CRPPA: variants seen among roughly 807,000 people sequenced by gnomAD.
CRPPA encodes the protein CDP-L-ribitol pyrophosphorylase A, also known as D-ribitol-5-phosphate cytidylyltransferase.
CRPPA carries 43 observed loss-of-function variants against 52.0 expected under a neutral mutation model. That is an observed-to-expected ratio of 0.83 (90% CI 0.65 to 1.07). The LOEUF is 1.07. CRPPA is among the 50% of genes least tolerant of loss of function. CRPPA has a pLI of 0.00. For synonymous variants in CRPPA, 250 were observed against 203.5 expected, an observed-to-expected ratio of 1.23 and a Z score of -1.94; for missense variants, 629 against 551.7, an observed-to-expected ratio of 1.14 and a Z score of -1.40.
chr7:16,386,942 C>A (rs1355256414), intron 2 of CRPPA, among the ~76,000 whole-genome samples: 1 of 151,296 alleles, frequency 6.6e-6, no homozygotes, highest in Non-Finnish European at 1.5e-5. Context: ...ATCACTTGAA[C>A]CCAGGAAGCA....
rs187689552 is a variant in CRPPA, at chr7:16,152,270, T to C, written c.1252-60471A>G. 3.3e-5 allele frequency among the ~76,000 whole-genome samples: 5 copies of C among 152,058 alleles called. No individual in the cohort carries two copies. The East Asian group carries it at 9.7e-4, about 29-fold the overall frequency. On this transcript the variant is annotated intron_variant, in intron 9 of 9. Coordinates refer to ENST00000407010, the MANE Select transcript of CRPPA (RefSeq NM_001101426.4). ...AATTAACAAATATGTGAGATGTTAA[T>C]TTGATGTACATTAAATGTGTACAGA...
chr7:16,388,820 G>A (rs762722387), intron 2 of CRPPA, among the ~76,000 whole-genome samples: 1 of 152,150 alleles, frequency 6.6e-6, no homozygotes, highest in Non-Finnish European at 1.5e-5. Context: ...TGGATGCAGT[G>A]AGCTGAGATG....
chr7:16,387,345 G>A (rs1787314542), intron 2 of CRPPA, among the ~76,000 whole-genome samples: 1 of 151,648 alleles, frequency 6.6e-6, no homozygotes, highest in Admixed American at 6.6e-5. Context: ...AGTAAATTCT[G>A]AAGCAAATAA....
At chr7:16,294,335 C>A (rs572482534) in intron 5 of CRPPA, among the ~76,000 whole-genome samples, 2 of 151,748 alleles carry the variant, frequency 1.3e-5, no homozygotes, top group African/African-American at 2.4e-5. Context: ...TCAATGTGAC[C>A]TTCAAAAGCG....
At chr7:16,138,800 C>CTGTT (rs544074961) in intron 9 of CRPPA, among the ~76,000 whole-genome samples, 4 of 151,776 alleles carry the variant, frequency 2.6e-5, no homozygotes, top group East Asian at 1.9e-4. Context: ...ATTTTTTTGT[C>CTGTT]TGTTTGTTTG....
chr7:16,409,219 A>G (rs1788024005), intron 1 of CRPPA, among the ~76,000 whole-genome samples: 1 of 152,140 alleles, frequency 6.6e-6, no homozygotes, highest in African/African-American at 2.4e-5. Context: ...GAATTTAGAG[A>G]AAGGCGAGGA....
intron 9 of CRPPA, among the ~76,000 whole-genome samples, chr7:16,180,627 C>G (rs1232948438): frequency 1.3e-5 from 2 of 151,950 alleles, no homozygotes; most frequent in African/African-American, 4.8e-5. Context: ...ACAATATTTT[C>G]TACAATTTTA....
At chr7:16,116,889 T>C (rs1296471125) in intron 9 of CRPPA, among the ~76,000 whole-genome samples, 2 of 152,168 alleles carry the variant, frequency 1.3e-5, no homozygotes, top group Non-Finnish European at 2.9e-5. Flanking sequence ...GTTAACCACC[T>C]GACAGGGACT....
At chr7:16,155,815 T>C (rs1052483915) in intron 9 of CRPPA, among the ~76,000 whole-genome samples, 1 of 152,136 alleles carries the variant, frequency 6.6e-6, no homozygotes, top group Admixed American at 6.6e-5. Context: ...ATTCCCACAT[T>C]AGTCAAGGGT....
rs148267183 is a variant in CRPPA, at chr7:16,318,929, A to T, written c.685-10302T>A. ...ATTTACCTTTCATTCTGTATCTCTAAATTACATTCTTGTGATGCTGTCTCT... is the reference window on the plus strand; with the variant it reads ...ATTTACCTTTCATTCTGTATCTCTATATTACATTCTTGTGATGCTGTCTCT... On this transcript the variant is annotated intron_variant, in intron 3 of 9. Coordinates refer to ENST00000407010, the MANE Select transcript of CRPPA (RefSeq NM_001101426.4). Among the ~76,000 whole-genome samples the T allele has an allele frequency of 1.1e-3, 172 of 152,212 alleles. 1 individual carries two copies. Among genetic ancestry groups the T allele is most frequent in the African/African-American group, 4.0e-3 (168 of 41,540 alleles).
intron 9 of CRPPA, among the ~76,000 whole-genome samples, chr7:16,176,714 C>T (rs1315295634): frequency 1.3e-5 from 2 of 151,758 alleles, no homozygotes; most frequent in African/African-American, 4.8e-5. Flanking sequence ...GTAGCTGGGA[C>T]TATAGGCATG....
At chr7:16,098,940 A>C (rs1781984584) in intron 9 of CRPPA, among the ~76,000 whole-genome samples, 1 of 152,216 alleles carries the variant, frequency 6.6e-6, no homozygotes, top group African/African-American at 2.4e-5. Flanking sequence ...CCTCTCAAAA[A>C]CTTAGATAAT....
At chr7:16,251,772 G>T (rs562157413) in intron 8 of CRPPA, among the ~76,000 whole-genome samples, 2 of 152,264 alleles carry the variant, frequency 1.3e-5, no homozygotes, top group East Asian at 3.9e-4. Context: ...ACAAGAGAAA[G>T]CAGGAAAGAT....
intron 8 of CRPPA, among the ~76,000 whole-genome samples, chr7:16,217,074 C>T (rs1782346051): frequency 1.3e-5 from 2 of 150,750 alleles, no homozygotes; most frequent in Admixed American, 6.6e-5. Context: ...GTGGTTCTCC[C>T]AGCACGCAGC....
At chr7:16,140,172 G>C (rs535008717) in intron 9 of CRPPA, among the ~76,000 whole-genome samples, 42 of 152,238 alleles carry the variant, frequency 2.8e-4, no homozygotes, top group African/African-American at 8.4e-4. Context: ...TTAGAGACAA[G>C]AGTCTCACTC....
chr7:16,312,169 AT>A (rs1487650604), intron 3 of CRPPA, among the ~76,000 whole-genome samples: 1 of 152,012 alleles, frequency 6.6e-6, no homozygotes, highest in Non-Finnish European at 1.5e-5. Flanking sequence ...GCTTGCTGAA[AT>A]TTTGATTGGG....
chr7:16,310,748 T>C (rs1179224820), intron 3 of CRPPA, among the ~76,000 whole-genome samples: 1 of 152,120 alleles, frequency 6.6e-6, no homozygotes, highest in Admixed American at 6.5e-5. Flanking sequence ...AGAGAAATTA[T>C]AGAGTATGGA....
At chr7:16,360,153 A>G (rs759381696) in intron 3 of CRPPA, among the ~76,000 whole-genome samples, 2 of 152,224 alleles carry the variant, frequency 1.3e-5, no homozygotes, top group Non-Finnish European at 2.9e-5. Flanking sequence ...GGATAAAAGT[A>G]TTTTTTAGAA....
chr7:16,379,312 T>C (rs1787005742), intron 2 of CRPPA, among the ~76,000 whole-genome samples: 1 of 152,208 alleles, frequency 6.6e-6, no homozygotes, highest in East Asian at 1.9e-4. Context: ...ATATGTGGCA[T>C]TATTTCTGAG....
Sources: allele counts gnomAD v4.1 joint callset (sites outside exome capture counted in the v4.1 genomes callset), GRCh38; gene constraint gnomAD v4.1.1; transcripts MANE v1.5; gene names NCBI Gene and HGNC (gene_info 2026-07-23, HGNC 2026-07-21).